MEAF6: variants seen among roughly 807,000 people sequenced by gnomAD.
MEAF6 encodes the protein MYST/Esa1 associated factor 6, also known as chromatin modification-related protein MEAF6.
A neutral mutation model predicts 28.9 loss-of-function variants in MEAF6; 15 were observed. The observed-to-expected ratio is 0.52, with a 90% CI of 0.35 to 0.80. The LOEUF (loss-of-function observed/expected upper bound fraction) is 0.80. Ranked by LOEUF, MEAF6 falls within the 30% of genes least tolerant of loss-of-function variation. The pLI is 0.01. For synonymous variants in MEAF6, 97 were observed against 88.7 expected, an observed-to-expected ratio of 1.09 and a Z score of -0.53; for missense variants, 178 against 237.5, an observed-to-expected ratio of 0.75 and a Z score of 1.65.
intron 4 of MEAF6, among the ~76,000 whole-genome samples, chr1:37,503,850 A>G (rs1487296251): frequency 2.6e-5 from 4 of 152,048 alleles, no homozygotes; most frequent in African/African-American, 9.7e-5. Context: ...AATCCCAGCT[A>G]TTCAAGGCTG....
chr1:37,497,189 A>G (rs977886076), intron 5 of MEAF6, among the ~76,000 whole-genome samples: 1 of 152,232 alleles, frequency 6.6e-6, no homozygotes, highest in Non-Finnish European at 1.5e-5. Context: ...AACTTTAAAA[A>G]AGGAAAACAT....
chr1:37,500,285 A>ACT (rs10625649), intron 5 of MEAF6, among the ~76,000 whole-genome samples: 114,629 of 151,812 alleles, frequency 0.76, 45,020 homozygotes, highest in East Asian at 0.89. Flanking sequence ...ACAGAGCAAG[A>ACT]CTGTCTGAAA....
intron 5 of MEAF6, among the ~76,000 whole-genome samples, chr1:37,498,405 ATTTT>A (rs202195694): frequency 8.0e-6 from 1 of 125,510 alleles, no homozygotes; most frequent in African/African-American, 3.0e-5. Flanking sequence ...TAGCTATGTT[ATTTT>A]TTATTATTAT....
intron 5 of MEAF6, 92 bp from the exon 6 acceptor site, chr1:37,496,010 A>T: frequency 7.6e-6 from 8 of 1,059,536 alleles, no homozygotes; most frequent in Non-Finnish European, 5.9e-6. Context: ...GCTATAACAA[A>T]GACTATTTGG....
At position 37,493,541 on chromosome 1, in the gene MEAF6, T is replaced by C. The variant is rs1022849329; in HGVS notation, c.*558A>G. The C allele has an allele frequency of 4.0e-4, 209 of 528,928 alleles. No individual in the cohort carries two copies. The highest frequency in any genetic ancestry group is 2.6e-3 in the African/African-American group (132 of 50,392). 32.8% of individuals were successfully genotyped at this position (528,928 alleles called of 1,614,324 possible). ...ACCAGATTATTTTCAGTTATGAATA[T>C]TGGCAACTGCATGAAAGAGATGATC... On this transcript the variant is annotated 3_prime_UTR_variant, in exon 7 of 7. Transcript: ENST00000296214.
At chr1:37,512,399 T>C (rs934864139) in intron 2 of MEAF6, among the ~76,000 whole-genome samples, 1 of 152,206 alleles carries the variant, frequency 6.6e-6, no homozygotes, top group African/African-American at 2.4e-5. Flanking sequence ...TATATTAATA[T>C]ATATTATAGA....
chr1:37,514,469 T>G, intron 1 of MEAF6, 188 bp downstream of exon 1: 1 of 356,134 alleles, frequency 2.8e-6, no homozygotes, highest in Non-Finnish European at 5.0e-6. Context: ...CGGCTCCGGA[T>G]TCGCACAGCC....
At chr1:37,508,563 G>A (rs571002136) in intron 4 of MEAF6, among the ~76,000 whole-genome samples, 23 of 152,098 alleles carry the variant, frequency 1.5e-4, no homozygotes, top group Admixed American at 6.6e-4. Flanking sequence ...GGGATTACAG[G>A]TGTGAGCCAC....
chr1:37,502,544 T>C (rs1412274360), intron 4 of MEAF6, among the ~76,000 whole-genome samples: 2 of 128,494 alleles, frequency 1.6e-5, no homozygotes, highest in Non-Finnish European at 3.5e-5. Context: ...AAGTTTTCCA[T>C]TGTTTTTTCT....
Position 37,495,905 on chromosome 1 carries a change from A to C in MEAF6, c.547T>G (p.Leu183Val). Residue 183 changes from leucine to valine, a missense_variant, in exon 6 of 7, where the codon TTA becomes GTA. Physicochemically the swap from Leu to Val is conservative, Grantham distance 32. Around this residue, in one of 2 missense-constraint regions of MEAF6, gnomAD observed 124 missense variants for 200.5 expected, o/e 0.62. Transcript: ENST00000296214. ...NKNRHRIDLK[L>V]NKKPRADY ...CTTACAGCTCGTGGTTTTTTGTTTA[A>C]CTTCAGATCAATCCTGTGACAGAAA... 1.2e-6 allele frequency: 2 copies of C among 1,613,960 alleles called. No individual in the cohort carries two copies. Among genetic ancestry groups the C allele is most frequent in the Non-Finnish European group, 1.7e-6 (2 of 1,179,912 alleles).
Position 37,492,310 on chromosome 1 carries a change from G to A in MEAF6, c.*1789C>T, listed in dbSNP as rs1641963086. On this transcript the variant is annotated 3_prime_UTR_variant, in exon 7 of 7. Coordinates refer to ENST00000296214, the MANE Select transcript of MEAF6 (RefSeq NM_001270875.3). Reference sequence around the variant, plus strand: ...CCCAAAGTGCTGGGATTACAGGTGTGAGCCACCGCACCCAGCCCAAGAGTC... The same window carrying A: ...CCCAAAGTGCTGGGATTACAGGTGTAAGCCACCGCACCCAGCCCAAGAGTC... 1.3e-5 allele frequency among the ~76,000 whole-genome samples: 2 copies of A among 151,592 alleles called. No homozygotes were observed. The highest frequency in any genetic ancestry group is 2.9e-5 in the Non-Finnish European group (2 of 67,878).
intron 5 of MEAF6, 149 bp downstream of exon 5, chr1:37,501,655 G>A: frequency 1.4e-6 from 1 of 714,798 alleles, no homozygotes. Flanking sequence ...CTCCCTTTGA[G>A]CAAATTAGCC....
chr1:37,512,878 T>G (rs10796908), intron 2 of MEAF6, among the ~76,000 whole-genome samples: 54,059 of 151,796 alleles, frequency 0.36, 9,872 homozygotes, highest in East Asian at 0.45. Flanking sequence ...GACAACAGCG[T>G]GAGACCCTGT....
At chr1:37,509,583 T>G (rs369013653) in intron 2 of MEAF6, 41 bp from the exon 3 acceptor site, 1 of 1,556,218 alleles carries the variant, frequency 6.4e-7, no homozygotes. Context: ...CCAAGCTATG[T>G]CTATGGCTCA....
chr1:37,493,915 AAT>A lies in MEAF6; in HGVS notation c.*182_*183del. ...CTAAAAATGACATAAAGTAAGACCC[AAT>A]GTCTTACAGAAATGACTTGTTTGTC... On this transcript the variant is annotated 3_prime_UTR_variant, in exon 7 of 7. Transcript: ENST00000296214. 1 of 1,584,698 alleles carries A rather than the reference AAT, an allele frequency of 6.3e-7. No individual in the cohort carries two copies. The highest frequency in any genetic ancestry group is 2.2e-5 in the East Asian group (1 of 44,582).
At chr1:37,509,358 C>T (rs767613210) in intron 3 of MEAF6, 35 bp from the exon 4 acceptor site, 20 of 1,612,080 alleles carry the variant, frequency 1.2e-5, no homozygotes, top group Non-Finnish European at 1.4e-5. Flanking sequence ...AGAAAAGTGA[C>T]CACAGACCTC....
chr1:37,494,430 G>A (rs757066699), intron 6 of MEAF6, among the ~76,000 whole-genome samples: 1 of 148,314 alleles, frequency 6.7e-6, no homozygotes, highest in South Asian at 2.1e-4. Context: ...TGGGAGAATC[G>A]CTTGAACCTG....
At chr1:37,498,558 T>C (rs67246224) in intron 5 of MEAF6, among the ~76,000 whole-genome samples, 51,519 of 151,122 alleles carry the variant, frequency 0.34, 9,125 homozygotes, top group Admixed American at 0.41. Flanking sequence ...TCTTTCCAAG[T>C]AGCTGAGACT....
At chr1:37,510,055 G>A (rs902515162) in intron 2 of MEAF6, among the ~76,000 whole-genome samples, 1 of 151,480 alleles carries the variant, frequency 6.6e-6, no homozygotes, top group Admixed American at 6.6e-5. Context: ...GGGATTACAG[G>A]CATGAGCCAC....
Sources: allele counts gnomAD v4.1 joint callset (sites outside exome capture counted in the v4.1 genomes callset), GRCh38; gene constraint gnomAD v4.1.1; regional missense constraint gnomAD v4.1.1; transcripts MANE v1.5; gene names NCBI Gene and HGNC (gene_info 2026-07-23, HGNC 2026-07-21).